The following SDK1 variants were observed in gnomAD, a reference collection of about 807,000 sequenced individuals.
SDK1 encodes protein sidekick-1.
In SDK1, 157 loss-of-function variants were observed where a neutral mutation model predicts 245.5. The observed-to-expected ratio is 0.64, with a 90% CI of 0.56 to 0.73. The LOEUF (loss-of-function observed/expected upper bound fraction) is 0.73, where lower values mean the gene tolerates loss of function less well. Ranked by LOEUF, SDK1 falls within the 30% of genes least tolerant of loss-of-function variation. The pLI is 0.00. For missense variants in SDK1, 3,583 were observed against 3,002.3 expected (o/e 1.19, Z -4.52); for synonymous variants, 1,647 against 1,278.5 (o/e 1.29, Z -6.15).
At chr7:3,619,719 C>T (rs986357765) in intron 2 of SDK1, among the ~76,000 whole-genome samples, 2 of 152,150 alleles carry the variant, frequency 1.3e-5, no homozygotes, top group Admixed American at 6.5e-5. Context: ...TGCATACAGC[C>T]TGTATATTCA....
intron 1 of SDK1, among the ~76,000 whole-genome samples, chr7:3,540,512 C>T (rs1319558604): frequency 6.6e-6 from 1 of 151,866 alleles, no homozygotes; most frequent in Non-Finnish European, 1.5e-5. Flanking sequence ...GTTAAAGAAC[C>T]AGAGAGAGAA....
intron 17 of SDK1, among the ~76,000 whole-genome samples, chr7:4,040,382 C>G (rs148516002): frequency 9.6e-4 from 146 of 152,288 alleles, no homozygotes; most frequent in Non-Finnish European, 1.6e-3. Flanking sequence ...AAAAACAACT[C>G]ACAACCTACT....
chr7:3,578,045 G>GT (rs1355930914), intron 1 of SDK1, among the ~76,000 whole-genome samples: 4 of 151,814 alleles, frequency 2.6e-5, no homozygotes, highest in South Asian at 2.1e-4. Context: ...TCCTTCCCTT[G>GT]TTTTTTTGTA....
chr7:3,360,126 G>A (rs1780913943), intron 1 of SDK1, among the ~76,000 whole-genome samples: 1 of 152,202 alleles, frequency 6.6e-6, no homozygotes, highest in Admixed American at 6.5e-5. Flanking sequence ...TTAGACCAGA[G>A]CCTGCTTTCT....
At chr7:4,011,998 G>A in intron 15 of SDK1, 97 bp from the exon 16 acceptor site, 2 of 1,115,922 alleles carry the variant, frequency 1.8e-6, no homozygotes, top group Admixed American at 3.1e-5. Flanking sequence ...TTTGTGAATA[G>A]TCAGGCTCAA....
At chr7:3,978,975 A>G (rs540127487) in intron 13 of SDK1, among the ~76,000 whole-genome samples, 1 of 152,318 alleles carries the variant, frequency 6.6e-6, no homozygotes, top group South Asian at 2.1e-4. Flanking sequence ...CGAGTTTTAC[A>G]CTTAGCACTA....
At chr7:3,586,435 C>T (rs1014260176) in intron 1 of SDK1, among the ~76,000 whole-genome samples, 2 of 151,598 alleles carry the variant, frequency 1.3e-5, no homozygotes, top group Non-Finnish European at 2.9e-5. Flanking sequence ...CGGTGGCTCA[C>T]GCCTGTAATC....
chr7:3,759,963 C>G (rs911743996), intron 4 of SDK1, among the ~76,000 whole-genome samples: 3 of 152,020 alleles, frequency 2.0e-5, no homozygotes, highest in Non-Finnish European at 4.4e-5. Flanking sequence ...TTTCCTTTTC[C>G]CATCATTTCC....
At chr7:3,575,413 GT>G in intron 1 of SDK1, among the ~76,000 whole-genome samples, 1 of 152,066 alleles carries the variant, frequency 6.6e-6, no homozygotes, top group East Asian at 1.9e-4. Context: ...CACATCAGGG[GT>G]TAGGGCATCA....
At chr7:4,038,067 C>A (rs1788346070) in intron 17 of SDK1, among the ~76,000 whole-genome samples, 1 of 152,236 alleles carries the variant, frequency 6.6e-6, no homozygotes, top group African/African-American at 2.4e-5. Flanking sequence ...CAGCTCACAG[C>A]TGTGACCTTC....
At chr7:4,169,276 G>GCC (rs2128215646) in intron 32 of SDK1, among the ~76,000 whole-genome samples, 1 of 152,342 alleles carries the variant, frequency 6.6e-6, no homozygotes, top group South Asian at 2.1e-4. Flanking sequence ...CTTCTGGGGA[G>GCC]CCCACCCAAG....
chr7:3,520,272 G>C (rs12672248), intron 1 of SDK1, among the ~76,000 whole-genome samples: 40,596 of 152,016 alleles, frequency 0.27, 5,609 homozygotes, highest in East Asian at 0.33. Flanking sequence ...TTTTAGAGCT[G>C]CTGGATAAAT....
chr7:3,849,904 C>T (rs556288803), intron 5 of SDK1, among the ~76,000 whole-genome samples: 51 of 152,250 alleles, frequency 3.3e-4, no homozygotes, highest in South Asian at 1.9e-3. Flanking sequence ...TGCTTGGCCT[C>T]ACAATAAAAT....
Position 3,675,559 on chromosome 7 carries a change from TTTTGTTTGTTTG to T in SDK1, c.713+33472_713+33483del, listed in dbSNP as rs56106932. On this transcript the variant is annotated intron_variant, in intron 4 of 44. Coordinates refer to ENST00000404826, the MANE Select transcript of SDK1 (RefSeq NM_152744.4). ...TACCTTTCTTCCTCCCCCTACTCCT[TTTTGTTTGTTTG>T]TTTGTTTGTTTGTTTGTAAAGAGAT... 4.6e-4 allele frequency among the ~76,000 whole-genome samples: 69 copies of T among 150,966 alleles called. 1 individual carries two copies. Among genetic ancestry groups the T allele is most frequent in the African/African-American group, 1.6e-3 (64 of 41,068 alleles).
intron 1 of SDK1, among the ~76,000 whole-genome samples, chr7:3,574,398 G>C (rs1014897344): frequency 6.6e-6 from 1 of 152,086 alleles, no homozygotes; most frequent in Non-Finnish European, 1.5e-5. Context: ...TTACAGGCAT[G>C]AGCCACCGTG....
At chr7:3,802,812 C>G (rs764893033) in intron 4 of SDK1, among the ~76,000 whole-genome samples, 1 of 152,094 alleles carries the variant, frequency 6.6e-6, no homozygotes, top group Non-Finnish European at 1.5e-5. Context: ...ATTGTGATGC[C>G]GGATTCTGTG....
intron 1 of SDK1, among the ~76,000 whole-genome samples, chr7:3,320,150 CT>C (rs1249789625): frequency 6.6e-6 from 1 of 152,024 alleles, no homozygotes; most frequent in African/African-American, 2.4e-5. Context: ...CACACACGCA[CT>C]CCCCTCTCAT....
At chr7:3,646,239 T>A (rs1009784102) in intron 4 of SDK1, among the ~76,000 whole-genome samples, 1 of 152,190 alleles carries the variant, frequency 6.6e-6, no homozygotes. Flanking sequence ...AGCAGTTCAT[T>A]TTCTCTCCCC....
intron 4 of SDK1, among the ~76,000 whole-genome samples, chr7:3,652,431 C>T (rs760580255): frequency 6.3e-4 from 96 of 152,166 alleles, no homozygotes; most frequent in Non-Finnish European, 1.0e-3. Flanking sequence ...TGGTGGCATG[C>T]GGTGGCCCCT....
Sources: gnomAD v4.1 joint callset for allele counts (sites outside exome capture counted in the v4.1 genomes callset) on GRCh38, gnomAD v4.1.1 for gene constraint, MANE v1.5 for transcripts, NCBI Gene and HGNC (gene_info 2026-07-23, HGNC 2026-07-21) for gene names.